Variants in TENM3 observed in about 807,000 individuals in gnomAD.
TENM3 encodes the protein teneurin-3.
A neutral mutation model predicts 255.1 loss-of-function variants in TENM3; 63 were observed. That is an observed-to-expected ratio of 0.25 (90% CI 0.20 to 0.30). TENM3 has a LOEUF of 0.30. Ranked by LOEUF, TENM3 falls within the 10% of genes least tolerant of loss-of-function variation. The pLI is 1.00. For synonymous variants in TENM3, 1,306 were observed against 1,322.3 expected (o/e 0.99, Z 0.27); for missense variants, 2,929 against 3,461.1 (o/e 0.85, Z 3.86).
chr4:182,150,093 G>T (rs1456634388), intron 1 of TENM3, among the ~76,000 whole-genome samples: 2 of 151,924 alleles, frequency 1.3e-5, no homozygotes, highest in Non-Finnish European at 2.9e-5. Context: ...GAGAGGTGGG[G>T]ATAATGTGAT....
the TENM3 span, among the ~76,000 whole-genome samples, chr4:181,455,760 CAG>C: frequency 6.6e-6 from 1 of 151,924 alleles, no homozygotes; most frequent in Middle Eastern, 3.4e-3. Context: ...AAAATCTCAA[CAG>C]AGAAAAGAGG....
In TENM3 at chr4:182,740,860, CA is replaced by C. The variant is rs201483939; in HGVS notation, c.3380-2301del. Among the ~76,000 whole-genome samples, 9 of 151,168 alleles carry C rather than the reference CA, an allele frequency of 6.0e-5. No homozygotes were observed. The East Asian group carries it at 1.7e-3, about 29-fold the overall frequency. On this transcript the variant is annotated intron_variant, in intron 18 of 27. Transcript: ENST00000511685. ...ACCGAACTTTCCAAAATGCTGTCCT[CA>C]AAAAAAAATGTTCTAAATTATAAAA... is the stretch of plus-strand genomic sequence containing the variant.
chr4:182,215,244 A>G (rs948067501), intron 1 of TENM3, among the ~76,000 whole-genome samples: 1 of 152,228 alleles, frequency 6.6e-6, no homozygotes, highest in East Asian at 1.9e-4. Flanking sequence ...AAATGTCATT[A>G]AAGGAAAAGT....
At chr4:182,061,040 T>A in the TENM3 span, among the ~76,000 whole-genome samples, 3 of 152,128 alleles carry the variant, frequency 2.0e-5, no homozygotes, top group African/African-American at 7.2e-5. Flanking sequence ...ATTCACCAGA[T>A]GAGGTTGCAC....
chr4:182,757,701 C>A (rs1762841338), intron 22 of TENM3, among the ~76,000 whole-genome samples: 1 of 152,106 alleles, frequency 6.6e-6, no homozygotes, highest in African/African-American at 2.4e-5. Context: ...CAAATAACCT[C>A]CAAGAATTTC....
intron 4 of TENM3, among the ~76,000 whole-genome samples, chr4:182,619,821 G>C (rs922215785): frequency 2.0e-5 from 3 of 152,178 alleles, no homozygotes; most frequent in African/African-American, 7.2e-5. Flanking sequence ...TGAAAACAGT[G>C]GCACAAATAG....
chr4:182,066,278 A>T, the TENM3 span, among the ~76,000 whole-genome samples: 2 of 152,090 alleles, frequency 1.3e-5, no homozygotes, highest in Non-Finnish European at 2.9e-5. Flanking sequence ...CTTGTTGACC[A>T]TTTATACACC....
At chr4:181,668,264 A>T in the TENM3 span, among the ~76,000 whole-genome samples, 1 of 152,168 alleles carries the variant, frequency 6.6e-6, no homozygotes, top group African/African-American at 2.4e-5. Flanking sequence ...CGTTGTTTCT[A>T]CCCTATCACT....
the TENM3 span, among the ~76,000 whole-genome samples, chr4:182,101,750 G>A: frequency 1.6e-4 from 25 of 152,200 alleles, no homozygotes; most frequent in South Asian, 4.1e-4. Flanking sequence ...TTTCAACATC[G>A]CTAAAAAGAA....
At position 182,731,100 on chromosome 4, in the gene TENM3, A is replaced by C. The variant is rs1387268969; in HGVS notation, c.2928A>C (p.Arg976Ser). Reference sequence around the variant, plus strand: ...CATCACCTTTATCCACCTTTTTCAGATCTTCTCCTGAAGACAGTCCCATCA... The same window carrying C: ...CATCACCTTTATCCACCTTTTTCAGCTCTTCTCCTGAAGACAGTCCCATCA... ...IVSSPLSTFF[R>S]SSPEDSPIIP... Residue 976 changes from arginine (R) to serine (S), a missense_variant, in exon 16 of 28, where the codon AGA becomes AGC. By Grantham distance (110) the Arg-to-Ser change is moderately radical. This residue lies in a region of TENM3 where 1,608 missense variants were observed against 1,884.4 expected (regional missense o/e 0.85). Transcript: ENST00000511685. 1 of 1,613,884 alleles carries C rather than the reference A, an allele frequency of 6.2e-7. No homozygotes were observed. The highest frequency in any genetic ancestry group is 2.2e-5 in the East Asian group (1 of 44,884).
chr4:182,774,986 G>A lies in TENM3; in HGVS notation c.5137G>A (p.Asp1713Asn). The A allele has an allele frequency of 6.2e-7, 1 of 1,613,954 alleles. No homozygotes were observed. Among genetic ancestry groups the A allele is most frequent in the Non-Finnish European group, 8.5e-7 (1 of 1,179,874 alleles). ...CAGAATTATCTACGCCAGTGGCCTG[G>A]ACTCACACTACCAAACAGAGCCGCA... ...SLRIIYASGL[D>N]SHYQTEPHVL... The change falls in exon 24 of 28, where the codon GAC (aspartate) becomes AAC (asparagine). Residue 1713 changes from aspartate to asparagine, a missense_variant. Around this residue, in one of 6 missense-constraint regions of TENM3, gnomAD observed 303 missense variants for 425.2 expected, o/e 0.71. Transcript: ENST00000511685.
chr4:182,286,644 C>T (rs1319918734), intron 1 of TENM3, among the ~76,000 whole-genome samples: 1 of 152,180 alleles, frequency 6.6e-6, no homozygotes, highest in Non-Finnish European at 1.5e-5. Flanking sequence ...GTTGACACTT[C>T]TCAGAATGTG....
At chr4:182,597,101 T>C (rs976411591) in intron 3 of TENM3, among the ~76,000 whole-genome samples, 1 of 152,176 alleles carries the variant, frequency 6.6e-6, no homozygotes, top group African/African-American at 2.4e-5. Context: ...CAATTGTTCT[T>C]TATGCAAAGA....
intron 22 of TENM3, among the ~76,000 whole-genome samples, chr4:182,766,095 C>T (rs1763693931): frequency 6.6e-6 from 1 of 152,132 alleles, no homozygotes; most frequent in African/African-American, 2.4e-5. Context: ...CCCTCCTTGT[C>T]CTCGCTCAGT....
chr4:181,533,219 T>C, the TENM3 span, among the ~76,000 whole-genome samples: 328 of 152,286 alleles, frequency 2.2e-3, 2 homozygotes, highest in Non-Finnish European at 3.5e-3. Context: ...CCTTATGGTT[T>C]AGCCCAGCAT....
the TENM3 span, among the ~76,000 whole-genome samples, chr4:181,889,515 G>C: frequency 1.3e-5 from 2 of 152,246 alleles, no homozygotes; most frequent in African/African-American, 4.8e-5. Flanking sequence ...TAGCACACAT[G>C]GTATGCTTTT....
At chr4:182,281,231 T>C (rs1760367207) in intron 1 of TENM3, among the ~76,000 whole-genome samples, 1 of 152,234 alleles carries the variant, frequency 6.6e-6, no homozygotes, top group Non-Finnish European at 1.5e-5. Flanking sequence ...TAGAATTTCC[T>C]GCAATTTAGA....
At chr4:181,921,981 A>G in the TENM3 span, among the ~76,000 whole-genome samples, 3 of 152,312 alleles carry the variant, frequency 2.0e-5, no homozygotes, top group East Asian at 1.9e-4. Flanking sequence ...TTCTGCATCT[A>G]TTGAGATAAT....
At chr4:181,836,182 T>TTC in the TENM3 span, among the ~76,000 whole-genome samples, 28 of 29,470 alleles carry the variant, frequency 9.5e-4, no homozygotes, top group African/African-American at 2.0e-3. Context: ...CATACACACA[T>TTC]GCACACACAC....
Sources: allele counts gnomAD v4.1 joint callset (sites outside exome capture counted in the v4.1 genomes callset), GRCh38; gene constraint gnomAD v4.1.1; regional missense constraint gnomAD v4.1.1; transcripts MANE v1.5; gene names NCBI Gene and HGNC (gene_info 2026-07-23, HGNC 2026-07-21).